C17orf99: variants seen among roughly 807,000 people sequenced by gnomAD.
The protein encoded by C17orf99 is chromosome 17 open reading frame 99.
C17orf99 carries 18 observed loss-of-function variants against 22.6 expected under a neutral mutation model. The ratio of observed to expected loss-of-function variants is 0.80; its 90% CI spans 0.55 to 1.18. C17orf99 has a LOEUF of 1.18. Ranked by LOEUF, C17orf99 falls within the 50% of genes most tolerant of loss-of-function variation. C17orf99 has a pLI of 0.00. For missense variants in C17orf99, 328 were observed against 342.7 expected, an observed-to-expected ratio of 0.96 and a Z score of 0.34; for synonymous variants, 147 against 136.6, an observed-to-expected ratio of 1.08 and a Z score of -0.53.
intron 4 of C17orf99, chr17:78,165,438 C>T (rs1250297918): frequency 1.0e-6 from 1 of 985,386 alleles, no homozygotes; most frequent in African/African-American, 1.8e-5. Context: ...TGGGGTACAG[C>T]CTTCATTTAG....
Position 78,165,980 on chromosome 17 carries a change from A to G in C17orf99, c.732A>G (p.Glu244=). The G allele has an allele frequency of 6.7e-7, 1 of 1,502,348 alleles. No individual in the cohort carries two copies. The highest frequency in any genetic ancestry group is 9.0e-7 in the Non-Finnish European group (1 of 1,116,534). The allele number at this position is 1,502,348 out of a possible 1,614,324, so 93.1% of individuals were successfully genotyped here. A position where few individuals can be genotyped will look rare whatever the true frequency, so the allele number is the denominator to read the frequency against. The change falls in exon 5 of 5, where the codon GAA becomes GAG. Residue 244 remains glutamate, a synonymous_variant. Transcript: ENST00000340363. ...PLYRSTRRLS[E]EEFGGFRIGN... is the part of the protein sequence containing the mutation. ...ACAGGAGCACCCGCCGTCTGAGTGA[A>G]GAGGAGTTTGGGGGGTTCAGGATAG...
intron 3 of C17orf99, among the ~76,000 whole-genome samples, chr17:78,161,879 C>T (rs1021703208): frequency 6.6e-6 from 1 of 151,706 alleles, no homozygotes; most frequent in African/African-American, 2.4e-5. Flanking sequence ...AAGTTAGGCA[C>T]GTTTTGTGCA....
intron 2 of C17orf99, among the ~76,000 whole-genome samples, chr17:78,155,352 T>G (rs2075517466): frequency 6.6e-6 from 1 of 152,126 alleles, no homozygotes; most frequent in African/African-American, 2.4e-5. Flanking sequence ...CAGGGTGGTT[T>G]CCAGAGCAGA....
At chr17:78,150,666 G>A (rs939238200) in intron 2 of C17orf99, among the ~76,000 whole-genome samples, 1 of 152,188 alleles carries the variant, frequency 6.6e-6, no homozygotes, top group African/African-American at 2.4e-5. Flanking sequence ...CTAGCCCCAT[G>A]ACATGAAGGC....
At chr17:78,157,296 T>A in intron 2 of C17orf99, 1 of 395,942 alleles carries the variant, frequency 2.5e-6, no homozygotes, top group Admixed American at 4.3e-5. Context: ...AAAACCCATC[T>A]CAGGTGCCTG....
chr17:78,163,991 C>A, intron 3 of C17orf99, 104 bp from the exon 4 acceptor site: 1 of 1,043,392 alleles, frequency 9.6e-7, no homozygotes, highest in Non-Finnish European at 1.4e-6. Flanking sequence ...AGGCGGCAGC[C>A]ACAGCTAAGC....
At chr17:78,151,967 G>T (rs527331193) in intron 2 of C17orf99, among the ~76,000 whole-genome samples, 9 of 152,214 alleles carry the variant, frequency 5.9e-5, no homozygotes, top group Non-Finnish European at 1.0e-4. Context: ...CAATCTGGAA[G>T]GGCCTTGGAG....
At chr17:78,157,305 T>C in intron 2 of C17orf99, 1 of 436,896 alleles carries the variant, frequency 2.3e-6, no homozygotes, top group Non-Finnish European at 3.9e-6. Flanking sequence ...CTCAGGTGCC[T>C]GCGTACTAAG....
chr17:78,147,106 C>T (rs1182158601), intron 2 of C17orf99, among the ~76,000 whole-genome samples, 195 bp downstream of exon 2: 1 of 152,200 alleles, frequency 6.6e-6, no homozygotes, highest in Non-Finnish European at 1.5e-5. Context: ...GCAGGCCAAG[C>T]AGGCCAGTGT....
Position 78,146,814 on chromosome 17 carries a change from C to G in C17orf99, c.38-65C>G, listed in dbSNP as rs757408694. 4.7e-6 allele frequency: 7 copies of G among 1,493,246 alleles called. No individual in the cohort carries two copies. The highest frequency in any genetic ancestry group is 5.5e-6 in the Non-Finnish European group (6 of 1,095,104). The allele number at this position is 1,493,246 out of a possible 1,614,324, so 92.5% of individuals were successfully genotyped here. Reference sequence around the variant, plus strand: ...CCTCCTGGCTTCAGCAGGTGGGTCTCGAGGCTGTCTCTGGTCTCCCCTCCA... The same window carrying G: ...CCTCCTGGCTTCAGCAGGTGGGTCTGGAGGCTGTCTCTGGTCTCCCCTCCA... On this transcript the variant is annotated intron_variant, in intron 1 of 4. Transcript: ENST00000340363. This position sits in a 1 kb window ranked among gnomAD's most constrained non-coding sequence, Gnocchi z 5.2.
chr17:78,154,911 G>A (rs997421086), intron 2 of C17orf99, among the ~76,000 whole-genome samples: 5 of 152,068 alleles, frequency 3.3e-5, no homozygotes, highest in African/African-American at 9.7e-5. Flanking sequence ...GGGCACAGAT[G>A]AGAAAATAAT....
rs1348659731 is a variant in C17orf99 at position 78,164,084 on chromosome 17, C to T, written c.371-11C>T. On this transcript the variant is annotated splice_polypyrimidine_tract_variant and intron_variant, in intron 3 of 4. Coordinates refer to ENST00000340363, the MANE Select transcript of C17orf99 (RefSeq NM_001163075.2). ...CAGCCATGCCTGTGCTACCTTCTCC[C>T]ACCCTGCCAGAGCCAGTGTCTGAGC... 8 of 1,551,050 alleles carry T rather than the reference C, an allele frequency of 5.2e-6. No individual in the cohort carries two copies. In the South Asian group the frequency reaches 9.5e-5, roughly 18 times the overall value.
intron 2 of C17orf99, among the ~76,000 whole-genome samples, chr17:78,156,432 G>C (rs1300725364): frequency 2.0e-5 from 3 of 151,358 alleles, no homozygotes; most frequent in Non-Finnish European, 2.9e-5. Flanking sequence ...TCCAGGATTT[G>C]CTTCCAAAAC....
At chr17:78,155,491 C>A (rs750720233) in intron 2 of C17orf99, among the ~76,000 whole-genome samples, 12 of 152,022 alleles carry the variant, frequency 7.9e-5, no homozygotes, top group African/African-American at 2.4e-4. Context: ...ATTTTTCTTT[C>A]GATTAAATAG....
intron 2 of C17orf99, among the ~76,000 whole-genome samples, chr17:78,147,702 T>C (rs2075447332): frequency 6.6e-6 from 1 of 152,182 alleles, no homozygotes. Flanking sequence ...CCCTCTATTT[T>C]GCTAAAGGGC....
chr17:78,157,623 C>A, intron 2 of C17orf99: 1 of 471,878 alleles, frequency 2.1e-6, no homozygotes, highest in Non-Finnish European at 3.7e-6. Context: ...ATGGTGAAAC[C>A]CCGTCTCTAC....
At chr17:78,151,175 A>C (rs1461540808) in intron 2 of C17orf99, among the ~76,000 whole-genome samples, 1 of 151,190 alleles carries the variant, frequency 6.6e-6, no homozygotes, top group Non-Finnish European at 1.5e-5. Context: ...CCATAATCCC[A>C]GCACTTTGGG....
intron 2 of C17orf99, among the ~76,000 whole-genome samples, chr17:78,148,796 C>T (rs1007737015): frequency 4.6e-5 from 7 of 152,142 alleles, no homozygotes; most frequent in African/African-American, 9.7e-5. Flanking sequence ...CCCTGTGGGG[C>T]GCAGCCATAG....
At chr17:78,157,844 A>T in intron 2 of C17orf99, 1 of 1,045,094 alleles carries the variant, frequency 9.6e-7, no homozygotes, top group Admixed American at 1.9e-5. Context: ...TGTGGTACTC[A>T]AAGGCCGGCC....
Sources: allele counts gnomAD v4.1 joint callset (sites outside exome capture counted in the v4.1 genomes callset), GRCh38; gene constraint gnomAD v4.1.1; non-coding constraint Gnocchi (gnomAD v3.1); transcripts MANE v1.5; gene names NCBI Gene and HGNC (gene_info 2026-07-23, HGNC 2026-07-21).